The following MYO5C variants were observed in gnomAD, a reference collection of about 807,000 sequenced individuals.
The protein encoded by MYO5C is myosin VC, also known as unconventional myosin-Vc.
A neutral mutation model predicts 235.7 loss-of-function variants in MYO5C; 194 were observed. The ratio of observed to expected loss-of-function variants is 0.82; its 90% CI spans 0.73 to 0.93. The LOEUF (loss-of-function observed/expected upper bound fraction) is 0.93. MYO5C is among the 40% of genes least tolerant of loss of function. The pLI is 0.00. For missense variants in MYO5C, 2,038 were observed against 2,127.2 expected, an observed-to-expected ratio of 0.96 and a Z score of 0.82; for synonymous variants, 707 against 754.8, an observed-to-expected ratio of 0.94 and a Z score of 1.04.
intron 8 of MYO5C, among the ~76,000 whole-genome samples, chr15:52,266,946 G>A (rs2036826335): frequency 6.6e-6 from 1 of 152,134 alleles, no homozygotes; most frequent in African/African-American, 2.4e-5. Context: ...TGCCTTGAGA[G>A]GACACGGTAC....
chr15:52,263,633 C>T (rs1010009399), intron 9 of MYO5C, among the ~76,000 whole-genome samples: 6 of 152,272 alleles, frequency 3.9e-5, no homozygotes, highest in East Asian at 3.9e-4. Flanking sequence ...CTCCTGCCTG[C>T]GGGTTTCTGC....
At chr15:52,266,071 T>C (rs1360125443) in intron 8 of MYO5C, among the ~76,000 whole-genome samples, 2 of 152,204 alleles carry the variant, frequency 1.3e-5, no homozygotes, top group Admixed American at 1.3e-4. Context: ...GGAGCCTCCA[T>C]TCTGGCACTC....
In MYO5C at chr15:52,241,346, G is replaced by A. The variant is rs191035773; in HGVS notation, c.2556+702C>T. ...GCAATCTTGGCTCACTGCAAGCTCC[G>A]CCTCCCGGGTTCATGCCATTCTCCT... On this transcript the variant is annotated intron_variant, in intron 20 of 40. Coordinates refer to ENST00000261839, the MANE Select transcript of MYO5C (RefSeq NM_018728.4). Among the ~76,000 whole-genome samples the A allele has an allele frequency of 1.6e-3, 214 of 135,544 alleles. 1 individual carries two copies. Among genetic ancestry groups the A allele is most frequent in the African/African-American group, 4.9e-3 (177 of 35,928 alleles). 88.9% of individuals were successfully genotyped at this position (135,544 alleles called of 152,430 possible).
At chr15:52,248,833 C>T in intron 13 of MYO5C, 50 bp from the exon 14 acceptor site, 1 of 1,216,912 alleles carries the variant, frequency 8.2e-7, no homozygotes, top group Non-Finnish European at 1.2e-6. Context: ...AAGAATATAG[C>T]CTCTAAGCAC....
chr15:52,227,212 T>G (rs2035845309), intron 25 of MYO5C, among the ~76,000 whole-genome samples: 1 of 128,368 alleles, frequency 7.8e-6, no homozygotes, highest in Non-Finnish European at 1.6e-5. Flanking sequence ...TTTTTTTTGT[T>G]GAGACGGAGT....
Position 52,287,814 on chromosome 15 carries a change from T to TA in MYO5C, c.28-4923dup, listed in dbSNP as rs569231736. ...CAACATGGAGAAACCCCGTCTCTACTAAAAATACAAAAGTAGCTGGGCGTG... is the reference window on the plus strand; with the variant it reads ...CAACATGGAGAAACCCCGTCTCTACTAAAAAATACAAAAGTAGCTGGGCGTG... On this transcript the variant is annotated intron_variant, in intron 1 of 40. Transcript: ENST00000261839. Among the ~76,000 whole-genome samples, 296 of 152,128 alleles carry TA rather than the reference T, an allele frequency of 1.9e-3. 1 individual carries two copies. The highest frequency in any genetic ancestry group is 6.9e-3 in the African/African-American group (285 of 41,512).
chr15:52,196,441 G>A lies in MYO5C; in HGVS notation c.4863C>T (p.Asn1621=), dbSNP rs555099257. Residue 1621 remains asparagine (N), a synonymous_variant, in exon 39 of 41, where the codon AAC becomes AAT. Transcript: ENST00000261839. ...SYLEEWLKDK[N]LQNSLAKETL... ...TTTCCTTTGCTAAGCTGTTCTGCAA[G>A]TTCTTATCTTTAAGCCATTCTTCTA... 3.1e-6 allele frequency: 5 copies of A among 1,614,092 alleles called. No individual in the cohort carries two copies. The African/African-American group carries it at 6.7e-5, about 22-fold the overall frequency.
chr15:52,227,222 T>C (rs1162506004), intron 25 of MYO5C, among the ~76,000 whole-genome samples: 1 of 119,476 alleles, frequency 8.4e-6, no homozygotes, highest in African/African-American at 3.3e-5. Context: ...TGAGACGGAG[T>C]CTCACTCTGT....
Position 52,275,777 on chromosome 15 carries a change from C to T in MYO5C, c.450-59G>A. On this transcript the variant is annotated intron_variant, in intron 4 of 40. Transcript: ENST00000261839. ...CTTCCCATTAAAGAGGCAACATGTGCTAATTAAGACAAATGTGGACAAGAC... is the reference window on the plus strand; with the variant it reads ...CTTCCCATTAAAGAGGCAACATGTGTTAATTAAGACAAATGTGGACAAGAC... The T allele has an allele frequency of 5.3e-6, 8 of 1,515,682 alleles. No homozygotes were observed. The East Asian group carries it at 1.6e-4, about 30-fold the overall frequency. The allele number at this position is 1,515,682 out of a possible 1,614,324, so 93.9% of individuals were successfully genotyped here.
intron 34 of MYO5C, 110 bp from the exon 35 acceptor site, chr15:52,211,994 C>T: frequency 9.2e-7 from 1 of 1,081,652 alleles, no homozygotes; most frequent in Non-Finnish European, 1.3e-6. Context: ...TGACACAGTG[C>T]CTGAATGTAT....
At chr15:52,235,471 C>G (rs2036059287) in intron 23 of MYO5C, among the ~76,000 whole-genome samples, 199 bp downstream of exon 23, 1 of 152,140 alleles carries the variant, frequency 6.6e-6, no homozygotes, top group Admixed American at 6.6e-5. Context: ...TGCTGTCTGA[C>G]AAAAGACAGA....
At chr15:52,252,396 C>T (rs2036489837) in intron 12 of MYO5C, among the ~76,000 whole-genome samples, 1 of 151,950 alleles carries the variant, frequency 6.6e-6, no homozygotes, top group Admixed American at 6.6e-5. Flanking sequence ...TAAGGGCATA[C>T]CTCCTTGTAC....
intron 35 of MYO5C, among the ~76,000 whole-genome samples, chr15:52,209,981 T>C (rs1266439838): frequency 1.3e-5 from 2 of 152,188 alleles, no homozygotes; most frequent in Non-Finnish European, 2.9e-5. Context: ...TATTTATTTT[T>C]GAGACAAGGT....
intron 38 of MYO5C, among the ~76,000 whole-genome samples, chr15:52,200,169 A>G (rs2035152982): frequency 6.6e-6 from 1 of 152,228 alleles, no homozygotes; most frequent in Non-Finnish European, 1.5e-5. Context: ...ACACATGGAA[A>G]TGGCATGAGA....
chr15:52,251,258 AAAC>A, intron 13 of MYO5C, 129 bp downstream of exon 13: 1 of 821,740 alleles, frequency 1.2e-6, no homozygotes, highest in Non-Finnish European at 1.8e-6. Flanking sequence ...AGGAACTGTT[AAAC>A]ACACACTCAT....
rs903700144 is a variant in MYO5C, at chr15:52,209,984, G to A, written c.4297-1341C>T. 3.3e-5 allele frequency among the ~76,000 whole-genome samples: 5 copies of A among 152,014 alleles called. No homozygotes were observed. The South Asian group carries it at 1.0e-3, about 32-fold the overall frequency. On this transcript the variant is annotated intron_variant, in intron 35 of 40. Coordinates refer to ENST00000261839, the MANE Select transcript of MYO5C (RefSeq NM_018728.4). The stretch of plus-strand genomic sequence containing the variant: ...AATTAATTAATTTATTTATTTTTGA[G>A]ACAAGGTCTGGCTCTATCACCCAGG...
intron 24 of MYO5C, among the ~76,000 whole-genome samples, chr15:52,232,342 A>AAAG (rs1393537841): frequency 4.8e-5 from 6 of 125,814 alleles, no homozygotes; most frequent in South Asian, 2.7e-4. Context: ...AGAAAGAAAG[A>AAAG]AGAGAAAGAA....
At chr15:52,239,449 C>A (rs1351086530) in intron 21 of MYO5C, among the ~76,000 whole-genome samples, 1 of 142,004 alleles carries the variant, frequency 7.0e-6, no homozygotes, top group Non-Finnish European at 1.5e-5. Context: ...CTCAAGGCAA[C>A]ACAACTTCAC....
At chr15:52,286,013 G>A (rs1191207622) in intron 1 of MYO5C, among the ~76,000 whole-genome samples, 1 of 151,778 alleles carries the variant, frequency 6.6e-6, no homozygotes. Context: ...GCCGCCCATC[G>A]TCTGAGATGT....
Sources: gnomAD v4.1 joint callset for allele counts (sites outside exome capture counted in the v4.1 genomes callset) on GRCh38, gnomAD v4.1.1 for gene constraint, MANE v1.5 for transcripts, NCBI Gene and HGNC (gene_info 2026-07-23, HGNC 2026-07-21) for gene names.